NHSL2: variants seen among roughly 807,000 people sequenced by gnomAD.
The protein encoded by NHSL2 is NHS like 2.
Under a neutral mutation model 53.4 loss-of-function variants are expected in NHSL2, and 27 were observed. That is an observed-to-expected ratio of 0.51 (90% CI 0.37 to 0.70). NHSL2 has a LOEUF of 0.70. Ranked by LOEUF, NHSL2 falls within the 30% of genes least tolerant of loss-of-function variation. NHSL2 has a pLI of 0.00. For synonymous variants in NHSL2, 408 were observed against 404.1 expected, an observed-to-expected ratio of 1.01 and a Z score of -0.12; for missense variants, 892 against 980.1, an observed-to-expected ratio of 0.91 and a Z score of 1.20.
chrX:72,101,389 G>C (rs776661769), intron 1 of NHSL2, among the ~76,000 whole-genome samples: 39 of 110,764 alleles, frequency 3.5e-4, no homozygotes, highest in Non-Finnish European at 6.4e-4. Flanking sequence ...GTTTTGCCCT[G>C]GCCTGAGTCA....
At chrX:72,013,196 C>T (rs1357825022) in intron 1 of NHSL2, among the ~76,000 whole-genome samples, 2 of 112,083 alleles carry the variant, frequency 1.8e-5, no homozygotes, top group East Asian at 5.6e-4. Flanking sequence ...CTATTTAGGT[C>T]TTCTTTGATT....
At chrX:72,067,607 G>C (rs994190495) in intron 1 of NHSL2, among the ~76,000 whole-genome samples, 2 of 112,330 alleles carry the variant, frequency 1.8e-5, no homozygotes, top group Admixed American at 9.4e-5. Flanking sequence ...GATTTTTGCT[G>C]TGTTCAATCT....
intron 4 of NHSL2, 130 bp downstream of exon 4, chrX:72,134,834 G>A (rs6625946): frequency 0.23 from 118,311 of 510,572 alleles, 13,413 homozygotes; most frequent in East Asian, 0.84. Flanking sequence ...CGCTGTCACG[G>A]TCATGGCTCT....
chrX:71,932,477 G>C (rs2041718303), intron 1 of NHSL2, among the ~76,000 whole-genome samples: 1 of 111,211 alleles, frequency 9.0e-6, no homozygotes, highest in Admixed American at 9.6e-5. Context: ...GAATGGACTG[G>C]AGAGGGGTGT....
At chrX:72,066,784 A>G (rs1359623165) in intron 1 of NHSL2, among the ~76,000 whole-genome samples, 2 of 111,278 alleles carry the variant, frequency 1.8e-5, no homozygotes, top group Non-Finnish European at 3.8e-5. Flanking sequence ...TTAAACTAGT[A>G]TTATCTACCT....
At chrX:71,920,159 C>T (rs964403534) in intron 1 of NHSL2, among the ~76,000 whole-genome samples, 1 of 112,160 alleles carries the variant, frequency 8.9e-6, no homozygotes, top group Non-Finnish European at 1.9e-5. Flanking sequence ...AGGACATAGG[C>T]ACACCTCAGC....
chrX:72,021,462 A>T (rs1354816808), intron 1 of NHSL2, among the ~76,000 whole-genome samples: 4 of 111,833 alleles, frequency 3.6e-5, no homozygotes, highest in African/African-American at 9.8e-5. Context: ...GCTTCTCCTC[A>T]GGGCCCAGGT....
chrX:72,063,508 C>T (rs2042410842), intron 1 of NHSL2, among the ~76,000 whole-genome samples: 1 of 112,343 alleles, frequency 8.9e-6, no homozygotes, highest in Non-Finnish European at 1.9e-5. Flanking sequence ...ACAGAAGTAA[C>T]CCCTCAAAGC....
intron 1 of NHSL2, among the ~76,000 whole-genome samples, chrX:72,119,267 T>C (rs1403212199): frequency 8.9e-6 from 1 of 112,062 alleles, no homozygotes; most frequent in African/African-American, 3.2e-5. Context: ...TCCCCTTAAT[T>C]TCCATATGGA....
At position 72,150,872 on chromosome X, in the gene NHSL2, A is replaced by G. The variant is rs2042507300; in HGVS notation, c.*7298A>G. On this transcript the variant is annotated 3_prime_UTR_variant, in exon 8 of 8. Transcript: ENST00000633930. Reference sequence around the variant, plus strand: ...AGAGATTGGTGAGGTTTCCCCCATCATCTAGATGGGAGATTGACAAATTCT... The same window carrying G: ...AGAGATTGGTGAGGTTTCCCCCATCGTCTAGATGGGAGATTGACAAATTCT... 1 of 112,122 alleles carries G rather than the reference A, an allele frequency of 8.9e-6. No homozygotes were observed. Among genetic ancestry groups the G allele is most frequent in the Non-Finnish European group, 1.9e-5 (1 of 53,202 alleles). 9.2% of individuals were successfully genotyped at this position (112,122 alleles called of 1,213,427 possible).
intron 1 of NHSL2, among the ~76,000 whole-genome samples, chrX:71,931,837 GTTTT>G (rs2041714776): frequency 8.9e-6 from 1 of 112,882 alleles, no homozygotes; most frequent in African/African-American, 3.2e-5. Flanking sequence ...CTCCAACTTA[GTTTT>G]TTATTTTCAA....
chrX:72,023,569 C>T (rs763225288), intron 1 of NHSL2, among the ~76,000 whole-genome samples: 1 of 112,147 alleles, frequency 8.9e-6, no homozygotes, highest in South Asian at 3.7e-4. Context: ...TTCCATGACC[C>T]TTTGACCTGA....
intron 1 of NHSL2, among the ~76,000 whole-genome samples, chrX:72,045,727 A>G (rs1216494216): frequency 8.9e-6 from 1 of 112,312 alleles, no homozygotes; most frequent in Admixed American, 9.3e-5. Flanking sequence ...GGCCAGGCAG[A>G]GACTGACATA....
At chrX:72,070,772 G>C (rs943051865) in intron 1 of NHSL2, among the ~76,000 whole-genome samples, 2 of 108,832 alleles carry the variant, frequency 1.8e-5, no homozygotes, top group Non-Finnish European at 3.8e-5. Context: ...CACACCCTTC[G>C]CATCACACAG....
chrX:71,920,414 C>T (rs1017474021), intron 1 of NHSL2, among the ~76,000 whole-genome samples: 1 of 110,567 alleles, frequency 9.0e-6, no homozygotes, highest in Admixed American at 9.6e-5. Context: ...TATAGTGATG[C>T]TTAAAACAAA....
rs763157834 is a variant in NHSL2 at position 71,937,217 on chromosome X, G to A, written c.280+25850G>A. Among the ~76,000 whole-genome samples, 10 of 111,569 alleles carry A rather than the reference G, an allele frequency of 9.0e-5. No homozygotes were observed. The East Asian group carries it at 2.8e-3, about 31-fold the overall frequency. ...GCAGAGGTCTGGGAGTGCTTGTGGA[G>A]AACAAAAAGGTGGAGCTCATGTTCT... On this transcript the variant is annotated intron_variant, in intron 1 of 7. Transcript: ENST00000633930.
chrX:72,122,443 C>T (rs760030180), intron 1 of NHSL2, among the ~76,000 whole-genome samples: 1 of 112,733 alleles, frequency 8.9e-6, no homozygotes, highest in East Asian at 2.8e-4. Context: ...CCACTTAATG[C>T]CCAATACACG....
intron 1 of NHSL2, among the ~76,000 whole-genome samples, chrX:71,944,475 A>ATTT (rs1411392292): frequency 1.8e-5 from 2 of 112,025 alleles, no homozygotes; most frequent in Non-Finnish European, 3.8e-5. Flanking sequence ...GTGCCCAAAC[A>ATTT]ACTGCACCTG....
intron 1 of NHSL2, among the ~76,000 whole-genome samples, chrX:72,015,725 C>T (rs1463847331): frequency 8.9e-6 from 1 of 112,203 alleles, no homozygotes; most frequent in African/African-American, 3.2e-5. Context: ...TATCATTTGC[C>T]TTTCCTTGAT....
Sources: allele counts gnomAD v4.1 joint callset (sites outside exome capture counted in the v4.1 genomes callset), GRCh38; gene constraint gnomAD v4.1.1; transcripts MANE v1.5; gene names NCBI Gene and HGNC (gene_info 2026-07-23, HGNC 2026-07-21).